TENM2: variants seen among roughly 807,000 people sequenced by gnomAD.
TENM2 encodes teneurin transmembrane protein 2, also known as teneurin-2.
TENM2 carries 52 observed loss-of-function variants against 245.2 expected under a neutral mutation model. The observed-to-expected ratio is 0.21, with a 90% confidence interval of 0.17 to 0.27. The LOEUF is 0.27. Ranked by LOEUF, TENM2 falls within the 10% of genes least tolerant of loss-of-function variation. The pLI is 1.00. For missense variants in TENM2, 3,046 were observed against 3,666.8 expected (o/e 0.83, Z 4.37); for synonymous variants, 1,363 against 1,438.9 (o/e 0.95, Z 1.19).
intron 27 of TENM2, among the ~76,000 whole-genome samples, chr5:168,253,927 A>G (rs11743769): frequency 0.45 from 67,966 of 152,168 alleles, 17,039 homozygotes; most frequent in South Asian, 0.59. Flanking sequence ...ACCCTCCTAG[A>G]CGTGGCCCAT....
rs111703856 is a variant in TENM2 at position 167,555,433 on chromosome 5, T to C, written c.502+179960T>C. On this transcript the variant is annotated intron_variant, in intron 2 of 28. Coordinates refer to ENST00000518659, the Ensembl canonical transcript of TENM2. Reference sequence around the variant, plus strand: ...AATATTATATTTAACTCAAACTTGGTTGGATACCCTACTGTCCGTTAAACC... The same window carrying C: ...AATATTATATTTAACTCAAACTTGGCTGGATACCCTACTGTCCGTTAAACC... 2.0e-5 allele frequency among the ~76,000 whole-genome samples: 3 copies of C among 149,598 alleles called. No individual in the cohort carries two copies. In the Admixed American group the frequency reaches 2.1e-4, roughly 11 times the overall value.
the TENM2 span, among the ~76,000 whole-genome samples, chr5:166,983,979 C>G: frequency 6.6e-6 from 1 of 152,060 alleles, no homozygotes; most frequent in Non-Finnish European, 1.5e-5. Context: ...TGATGCAGAT[C>G]TATAAAAGTA....
At chr5:167,049,951 G>A in the TENM2 span, among the ~76,000 whole-genome samples, 2 of 152,180 alleles carry the variant, frequency 1.3e-5, no homozygotes, top group Non-Finnish European at 2.9e-5. Context: ...ATAACAGTAA[G>A]CATGAGATGT....
Position 167,772,524 on chromosome 5 carries a change from A to G in TENM2, c.503-103462A>G, listed in dbSNP as rs77967474. ...TTCCCTGGGGAAAGGGTACAGGCCA[A>G]CTTCTCTCATTTTATGTTAGGACTT... On this transcript the variant is annotated intron_variant, in intron 2 of 28. Coordinates refer to ENST00000518659, the Ensembl canonical transcript of TENM2. Among the ~76,000 whole-genome samples, 825 of 152,180 alleles carry G rather than the reference A, an allele frequency of 5.4e-3. 10 individuals are homozygous for G. The highest frequency in any genetic ancestry group is 0.019 in the African/African-American group (792 of 41,522).
intron 2 of TENM2, among the ~76,000 whole-genome samples, chr5:167,741,552 C>A (rs991922491): frequency 1.3e-5 from 2 of 152,154 alleles, no homozygotes; most frequent in Non-Finnish European, 2.9e-5. Flanking sequence ...ATTACCTCTA[C>A]ACAAATTCCT....
Position 167,663,796 on chromosome 5 carries a change from A to C in TENM2, c.503-212190A>C, listed in dbSNP as rs1021395663. On this transcript the variant is annotated intron_variant, in intron 2 of 28. Coordinates refer to ENST00000518659, the Ensembl canonical transcript of TENM2. ...TCATTTAGTGAACATATATGCGTCA[A>C]ATTTTTCTATTTCATGATTTTATTT... Among the ~76,000 whole-genome samples the C allele has an allele frequency of 3.3e-5, 5 of 152,218 alleles. No homozygotes were observed. The East Asian group carries it at 5.8e-4, about 18-fold the overall frequency.
At chr5:167,551,557 T>C (rs546799397) in intron 2 of TENM2, among the ~76,000 whole-genome samples, 1 of 152,148 alleles carries the variant, frequency 6.6e-6, no homozygotes, top group South Asian at 2.1e-4. Flanking sequence ...ATTTTATTTC[T>C]CCATAACACT....
chr5:167,951,827 C>T (rs1561973267), intron 3 of TENM2, among the ~76,000 whole-genome samples: 1 of 151,168 alleles, frequency 6.6e-6, no homozygotes. Flanking sequence ...CATATATACA[C>T]ACATACATAC....
At position 167,493,383 on chromosome 5, in the gene TENM2, G is replaced by A. The variant is rs1362673079; in HGVS notation, c.502+117910G>A. 2.6e-5 allele frequency among the ~76,000 whole-genome samples: 4 copies of A among 152,216 alleles called. No homozygotes were observed. The South Asian group carries it at 6.2e-4, about 24-fold the overall frequency. ...GGACCATGGAGCTTAATATGCCTGA[G>A]TTCATCCCTGGCCTTAGCATTTAAT... is the stretch of plus-strand genomic sequence containing the variant. On this transcript the variant is annotated intron_variant, in intron 2 of 28. Coordinates refer to ENST00000518659, the Ensembl canonical transcript of TENM2.
chr5:168,233,901 T>C (rs1348965850), intron 25 of TENM2, among the ~76,000 whole-genome samples: 1 of 152,150 alleles, frequency 6.6e-6, no homozygotes, highest in Non-Finnish European at 1.5e-5. Context: ...ACTTATTCAC[T>C]ATCACTAGAA....
chr5:167,202,840 G>A, the TENM2 span, among the ~76,000 whole-genome samples: 3 of 152,144 alleles, frequency 2.0e-5, no homozygotes, highest in Non-Finnish European at 4.4e-5. Context: ...TCTTCCCTGT[G>A]TCCTTGCAGA....
At chr5:167,060,211 T>C in the TENM2 span, among the ~76,000 whole-genome samples, 3 of 152,156 alleles carry the variant, frequency 2.0e-5, no homozygotes, top group Admixed American at 6.6e-5. Flanking sequence ...GGTGGTACGA[T>C]TAGAATTCCT....
chr5:167,234,632 T>C, the TENM2 span, among the ~76,000 whole-genome samples: 1 of 152,186 alleles, frequency 6.6e-6, no homozygotes, highest in Non-Finnish European at 1.5e-5. Flanking sequence ...ATGAGGATGA[T>C]TTCATACACA....
intron 9 of TENM2, among the ~76,000 whole-genome samples, chr5:168,117,040 C>T (rs779476777): frequency 1.2e-4 from 19 of 152,240 alleles, no homozygotes; most frequent in South Asian, 2.1e-4. Context: ...CAAACTGATG[C>T]GGAAATGAGA....
intron 2 of TENM2, among the ~76,000 whole-genome samples, chr5:167,783,616 C>T (rs1316802252): frequency 2.0e-5 from 3 of 152,190 alleles, no homozygotes; most frequent in African/African-American, 4.8e-5. Flanking sequence ...TGTTCATTAG[C>T]CCAGCCTCTT....
At chr5:167,438,679 G>A (rs1764713001) in intron 2 of TENM2, among the ~76,000 whole-genome samples, 1 of 152,216 alleles carries the variant, frequency 6.6e-6, no homozygotes, top group African/African-American at 2.4e-5. Flanking sequence ...TTATAGGCAT[G>A]AGCCACCGCA....
At chr5:167,480,888 G>T (rs1340238388) in intron 2 of TENM2, among the ~76,000 whole-genome samples, 1 of 152,122 alleles carries the variant, frequency 6.6e-6, no homozygotes, top group Non-Finnish European at 1.5e-5. Flanking sequence ...AATATTTGAT[G>T]TTATTTCTTA....
At chr5:167,051,382 A>G in the TENM2 span, among the ~76,000 whole-genome samples, 2 of 151,222 alleles carry the variant, frequency 1.3e-5, no homozygotes, top group Non-Finnish European at 2.9e-5. Flanking sequence ...TTAAGGTGTG[A>G]TTTTCGTTGA....
At chr5:168,224,728 G>A (rs1370596905) in intron 23 of TENM2, among the ~76,000 whole-genome samples, 16 of 152,120 alleles carry the variant, frequency 1.1e-4, no homozygotes, top group East Asian at 5.8e-4. Context: ...GGAGTAACCC[G>A]CAGGAGTTGA....
Sources: allele counts gnomAD v4.1 joint callset (sites outside exome capture counted in the v4.1 genomes callset), GRCh38; gene constraint gnomAD v4.1.1; transcripts MANE v1.5; gene names NCBI Gene and HGNC (gene_info 2026-07-23, HGNC 2026-07-21).